Variants in CEMIP2 observed in about 807,000 individuals in gnomAD.
CEMIP2 encodes cell surface hyaluronidase CEMIP2.
In CEMIP2, 79 loss-of-function variants were observed where a neutral mutation model predicts 146.9. That is an observed-to-expected ratio of 0.54 (90% CI 0.45 to 0.65). The LOEUF (loss-of-function observed/expected upper bound fraction) is 0.65. Ranked by LOEUF, CEMIP2 falls within the 30% of genes least tolerant of loss-of-function variation. The pLI is 0.00. For synonymous variants in CEMIP2, 601 were observed against 606.3 expected (o/e 0.99, Z 0.13); for missense variants, 1,596 against 1,696.2 (o/e 0.94, Z 1.04).
rs781592607 is a variant in CEMIP2 at position 71,690,053 on chromosome 9, A to G, written c.3851+39T>C. ...TCAGTTTGGAGCACTCCACATCTTT[A>G]AGGTGGCTTTTCCCTGTTACAGCAC... On this transcript the variant is annotated intron_variant, in intron 22 of 23. Coordinates refer to ENST00000377044, the MANE Select transcript of CEMIP2 (RefSeq NM_013390.3). 6 of 1,605,508 alleles carry G rather than the reference A, an allele frequency of 3.7e-6. No homozygotes were observed. The South Asian group carries it at 5.5e-5, about 15-fold the overall frequency.
intron 8 of CEMIP2, 88 bp from the exon 9 acceptor site, chr9:71,730,341 T>G (rs1244466653): frequency 7.5e-6 from 10 of 1,336,496 alleles, no homozygotes; most frequent in Non-Finnish European, 1.0e-5. Context: ...GCATGTTCAG[T>G]ACAAGTGGAA....
At chr9:71,697,936 C>T (rs558523001) in intron 20 of CEMIP2, 49 bp downstream of exon 20, 1 of 1,572,584 alleles carries the variant, frequency 6.4e-7, no homozygotes, top group South Asian at 1.1e-5. Flanking sequence ...GCAAAGAAAC[C>T]CTCTGACTTT....
At chr9:71,760,765 A>T (rs1824610180) in intron 1 of CEMIP2, among the ~76,000 whole-genome samples, 1 of 152,244 alleles carries the variant, frequency 6.6e-6, no homozygotes, top group Non-Finnish European at 1.5e-5. Flanking sequence ...CAAAGTACAT[A>T]GGCCTCTAGG....
chr9:71,737,419 A>G (rs950041225), intron 5 of CEMIP2, among the ~76,000 whole-genome samples: 3 of 151,978 alleles, frequency 2.0e-5, no homozygotes, highest in Admixed American at 2.0e-4. Context: ...AAAAAAAAAA[A>G]AGAAAGAAAA....
chr9:71,743,439 GA>G (rs971780354), intron 4 of CEMIP2, among the ~76,000 whole-genome samples: 5 of 151,870 alleles, frequency 3.3e-5, no homozygotes, highest in African/African-American at 1.2e-4. Context: ...ACAAAAACCA[GA>G]AAGAAAAAAA....
intron 5 of CEMIP2, 147 bp downstream of exon 5, chr9:71,739,916 A>T: frequency 1.4e-6 from 1 of 726,382 alleles, no homozygotes; most frequent in Non-Finnish European, 2.1e-6. Flanking sequence ...AAGATTAAGC[A>T]CAGTAGGAAA....
intron 1 of CEMIP2, among the ~76,000 whole-genome samples, chr9:71,753,443 A>G (rs1262124819): frequency 6.6e-6 from 1 of 152,162 alleles, no homozygotes; most frequent in East Asian, 1.9e-4. Context: ...TCTGTCACAA[A>G]CTAAAGGGGT....
intron 22 of CEMIP2, among the ~76,000 whole-genome samples, chr9:71,687,620 G>A (rs1192363542): frequency 6.6e-6 from 1 of 151,908 alleles, no homozygotes; most frequent in Non-Finnish European, 1.5e-5. Flanking sequence ...TTTGAGCCCA[G>A]GAGTTCAAGA....
At chr9:71,718,782 G>A (rs1216984918) in intron 12 of CEMIP2, among the ~76,000 whole-genome samples, 1 of 151,966 alleles carries the variant, frequency 6.6e-6, no homozygotes, top group African/African-American at 2.4e-5. Context: ...TCCCCATGTT[G>A]GCCAGGCTGG....
Position 71,700,741 on chromosome 9 carries a change from C to A in CEMIP2, c.3278G>T (p.Gly1093Val). The change falls in exon 19 of 24, where the codon GGC becomes GTC. Residue 1093 changes from glycine to valine, a missense_variant. Coordinates refer to ENST00000377044, the MANE Select transcript of CEMIP2 (RefSeq NM_013390.3). ...ATATTCTTCGATTTTGGATAATGAG[C>A]CATTCTGCCGCTGCAAATAGCCAAA... ...VTFGYLQRQN[G>V]SLSKIEEYEP... The A allele has an allele frequency of 6.2e-7, 1 of 1,614,068 alleles. No individual in the cohort carries two copies. Among genetic ancestry groups the A allele is most frequent in the East Asian group, 2.2e-5 (1 of 44,876 alleles).
intron 2 of CEMIP2, among the ~76,000 whole-genome samples, chr9:71,749,842 G>C (rs1824193454): frequency 6.6e-6 from 1 of 152,150 alleles, no homozygotes; most frequent in Non-Finnish European, 1.5e-5. Flanking sequence ...GTGGCACAAT[G>C]GACAGGAAGA....
At chr9:71,728,275 A>ATATG (rs1554684689) in intron 10 of CEMIP2, among the ~76,000 whole-genome samples, 3 of 12,706 alleles carry the variant, frequency 2.4e-4, no homozygotes, top group Non-Finnish European at 3.7e-4. Flanking sequence ...ATATATATAT[A>ATATG]TATATGTATA....
chr9:71,762,630 C>T (rs560966470), intron 1 of CEMIP2, among the ~76,000 whole-genome samples: 21 of 152,102 alleles, frequency 1.4e-4, no homozygotes, highest in African/African-American at 4.8e-4. Flanking sequence ...TTAAAGCCAA[C>T]CTCAGACTCA....
rs1341795619 is a variant in CEMIP2, at chr9:71,746,397, G to A, written c.332-56C>T. The A allele has an allele frequency of 2.7e-5, 43 of 1,591,764 alleles. No individual in the cohort carries two copies. In the Middle Eastern group the frequency reaches 5.1e-4, roughly 19 times the overall value. On this transcript the variant is annotated intron_variant, in intron 2 of 23. Coordinates refer to ENST00000377044, the MANE Select transcript of CEMIP2 (RefSeq NM_013390.3). Reference sequence around the variant, plus strand: ...ATTAAAATGCAGGAATAATATAGCCGAATCTAAGCACTACCATTATTTACT... The same window carrying A: ...ATTAAAATGCAGGAATAATATAGCCAAATCTAAGCACTACCATTATTTACT...
chr9:71,747,479 AGAG>A (rs1379983842), intron 2 of CEMIP2, among the ~76,000 whole-genome samples: 2 of 152,216 alleles, frequency 1.3e-5, no homozygotes, highest in African/African-American at 4.8e-5. Flanking sequence ...TATTTAAATA[AGAG>A]GATCATGAGA....
Position 71,745,207 on chromosome 9 carries a change from C to T in CEMIP2, c.845G>A (p.Ser282Asn). The change falls in exon 4 of 24, where the codon AGT (serine) becomes AAT (asparagine). Residue 282 changes from serine to asparagine, a missense_variant. Coordinates refer to ENST00000377044, the MANE Select transcript of CEMIP2 (RefSeq NM_013390.3). ...IDQDTAKILE[S>N]ERFDTHEYRN... ...GTATTCATGGGTATCAAATCTCTCA[C>T]TTTCCAAAATTTTGGCCGTGTCTTG... The T allele has an allele frequency of 6.2e-7, 1 of 1,614,158 alleles. No individual in the cohort carries two copies. The highest frequency in any genetic ancestry group is 8.5e-7 in the Non-Finnish European group (1 of 1,180,022).
chr9:71,741,624 T>C (rs1823918194), intron 4 of CEMIP2, among the ~76,000 whole-genome samples: 1 of 145,488 alleles, frequency 6.9e-6, no homozygotes, highest in Non-Finnish European at 1.5e-5. Context: ...TTTCTTTTTC[T>C]TTTCTGGTTT....
chr9:71,746,942 A>G (rs1824107915), intron 2 of CEMIP2, among the ~76,000 whole-genome samples: 1 of 152,212 alleles, frequency 6.6e-6, no homozygotes, highest in African/African-American at 2.4e-5. Flanking sequence ...AGAGATGAGG[A>G]AATTACAGGT....
At chr9:71,712,338 C>G in intron 15 of CEMIP2, 78 bp from the exon 16 acceptor site, 1 of 1,428,442 alleles carries the variant, frequency 7.0e-7, no homozygotes, top group South Asian at 1.3e-5. Flanking sequence ...TTTATGAAGA[C>G]AGCTAAATAT....
Sources: gnomAD v4.1 joint callset for allele counts (sites outside exome capture counted in the v4.1 genomes callset) on GRCh38, gnomAD v4.1.1 for gene constraint, MANE v1.5 for transcripts, NCBI Gene and HGNC (gene_info 2026-07-23, HGNC 2026-07-21) for gene names.